Variants in TRPM1 observed in about 807,000 individuals in gnomAD.
TRPM1 encodes TRPM1-203 APA Isoform, Intron 10.
A neutral mutation model predicts 149.4 loss-of-function variants in TRPM1; 113 were observed. That is an observed-to-expected ratio of 0.76 (90% CI 0.65 to 0.88). The LOEUF (loss-of-function observed/expected upper bound fraction) is 0.88, where lower values mean the gene tolerates loss of function less well. Ranked by LOEUF, TRPM1 falls within the 40% of genes least tolerant of loss-of-function variation. The pLI is 0.00. For missense variants in TRPM1, 1,976 were observed against 2,038.7 expected (o/e 0.97, Z 0.59); for synonymous variants, 741 against 759.5 (o/e 0.98, Z 0.40).
intron 1 of TRPM1, among the ~76,000 whole-genome samples, chr15:31,128,573 G>A (rs1167072112): frequency 2.6e-5 from 4 of 152,300 alleles, no homozygotes; most frequent in African/African-American, 9.6e-5. Context: ...GCTCACAACT[G>A]GGGGAGACGG....
At chr15:31,024,032 C>A (rs1484467055) in intron 27 of TRPM1, among the ~76,000 whole-genome samples, 6 of 152,068 alleles carry the variant, frequency 3.9e-5, no homozygotes, top group Non-Finnish European at 8.8e-5. Flanking sequence ...CCTGTGTGAA[C>A]ACGCCTGTAA....
chr15:31,053,168 C>T (rs766938154), intron 11 of TRPM1, among the ~76,000 whole-genome samples: 2 of 152,184 alleles, frequency 1.3e-5, no homozygotes, highest in Non-Finnish European at 2.9e-5. Flanking sequence ...CACAAAAACG[C>T]TCAATATCAC....
intron 1 of TRPM1, among the ~76,000 whole-genome samples, chr15:31,093,229 C>A (rs780696327): frequency 5.0e-5 from 7 of 140,372 alleles, no homozygotes; most frequent in Non-Finnish European, 9.0e-5. Context: ...ACACTGCACT[C>A]CAGCCTGGGC....
chr15:31,019,071 T>A (rs2032466707), intron 27 of TRPM1, among the ~76,000 whole-genome samples: 1 of 152,252 alleles, frequency 6.6e-6, no homozygotes, highest in South Asian at 2.1e-4. Flanking sequence ...AATGTTAACA[T>A]AAAGACATGA....
At chr15:31,056,101 G>T (rs1456109267) in intron 11 of TRPM1, among the ~76,000 whole-genome samples, 1 of 152,058 alleles carries the variant, frequency 6.6e-6, no homozygotes, top group East Asian at 1.9e-4. Context: ...AAAAGCTAAA[G>T]AAAAAGTTGA....
chr15:31,102,838 G>A (rs571828945), upstream of TRPM1, among the ~76,000 whole-genome samples: 11 of 152,360 alleles, frequency 7.2e-5, no homozygotes, highest in East Asian at 1.2e-3. Flanking sequence ...GCTGGAGCGC[G>A]CACAGCCCCT....
intron 7 of TRPM1, 52 bp from the exon 8 acceptor site, chr15:31,063,344 C>T (rs1414482539): frequency 5.0e-6 from 8 of 1,612,628 alleles, no homozygotes; most frequent in Non-Finnish European, 5.9e-6. Context: ...CACTGTCCAC[C>T]CAGTCGTTTT....
At chr15:31,088,674 T>G (rs1162627840) in intron 1 of TRPM1, among the ~76,000 whole-genome samples, 3 of 152,196 alleles carry the variant, frequency 2.0e-5, no homozygotes, top group Admixed American at 2.0e-4. Context: ...GGATGGGCAT[T>G]TCATACTAAG....
At chr15:31,009,870 T>G (rs2032120131) in intron 27 of TRPM1, among the ~76,000 whole-genome samples, 1 of 152,210 alleles carries the variant, frequency 6.6e-6, no homozygotes, top group South Asian at 2.1e-4. Flanking sequence ...TTTGGTAAAA[T>G]TTTCTTTGAA....
intron 21 of TRPM1, among the ~76,000 whole-genome samples, chr15:31,034,010 T>A (rs2033225320): frequency 6.6e-6 from 1 of 152,202 alleles, no homozygotes; most frequent in African/African-American, 2.4e-5. Context: ...GTTTTTCAGT[T>A]CAGTGAAAGG....
At chr15:31,109,085 T>C (rs1469262914) in intron 1 of TRPM1, among the ~76,000 whole-genome samples, 1 of 151,944 alleles carries the variant, frequency 6.6e-6, no homozygotes, top group Non-Finnish European at 1.5e-5. Flanking sequence ...TATAAACACA[T>C]TTGAAATACA....
intron 25 of TRPM1, 140 bp downstream of exon 25, chr15:31,028,192 A>C: frequency 1.0e-6 from 1 of 978,244 alleles, no homozygotes; most frequent in Non-Finnish European, 1.6e-6. Flanking sequence ...GAACAAAGAG[A>C]CTGCAAAAAT....
chr15:31,157,125 C>A (rs942821026), intron 1 of TRPM1, among the ~76,000 whole-genome samples: 1 of 152,112 alleles, frequency 6.6e-6, no homozygotes, highest in Non-Finnish European at 1.5e-5. Context: ...GTTGCCCAGA[C>A]TCGTCTCAAA....
intron 1 of TRPM1, among the ~76,000 whole-genome samples, chr15:31,138,571 G>T (rs2036120236): frequency 6.6e-6 from 1 of 152,122 alleles, no homozygotes; most frequent in Non-Finnish European, 1.5e-5. Context: ...GAGTTGAAAA[G>T]ACCAGGCTGA....
rs1455707821 is a variant in TRPM1, at chr15:31,066,172, T to G, written c.694A>C (p.Ile232Leu). The stretch of plus-strand genomic sequence containing the variant: ...CCCAGGGTGCCATTGTCAGCCAGGA[T>G]GAAGTGGGTGTGGGAGTTGTTGAGC... Reference protein sequence around the residue: ...SVLNNSHTHFILADNGTLGKY... With the variant: ...SVLNNSHTHFLLADNGTLGKY... The change falls in exon 7 of 28, where the codon ATC (isoleucine) becomes CTC (leucine). Residue 232 changes from isoleucine (I) to leucine (L), a missense_variant. Transcript: ENST00000256552. 6.2e-7 allele frequency: 1 copy of G among 1,614,102 alleles called. No individual in the cohort carries two copies.
intron 1 of TRPM1, among the ~76,000 whole-genome samples, chr15:31,130,217 C>A (rs1229937014): frequency 6.6e-6 from 1 of 152,166 alleles, no homozygotes; most frequent in Non-Finnish European, 1.5e-5. Context: ...CCTTTGTGCA[C>A]CCCACCCTGC....
intron 2 of TRPM1, among the ~76,000 whole-genome samples, chr15:31,079,950 GA>G (rs1163167830): frequency 5.3e-5 from 8 of 152,160 alleles, no homozygotes; most frequent in African/African-American, 1.9e-4. Flanking sequence ...CATGCCAAAA[GA>G]ACACAGTGGC....
At chr15:31,119,866 T>C (rs150490634) in intron 1 of TRPM1, among the ~76,000 whole-genome samples, 5 of 152,148 alleles carry the variant, frequency 3.3e-5, no homozygotes, top group Admixed American at 6.5e-5. Context: ...ATAATTAATA[T>C]GGTAAGAGAA....
Position 31,002,985 on chromosome 15 carries a change from GTC to G in TRPM1, c.3713_3714del (p.Arg1238ProfsTer9). On this transcript the variant is annotated frameshift_variant, in exon 28 of 28. Transcript: ENST00000256552. LOFTEE classifies it low-confidence loss of function (END_TRUNC). Reference protein sequence around the residue: ...MKTSLQTVDLRLAQLEELSNR... With the variant: ...MKTSLQTVDLXLAQLEELSNR... The stretch of plus-strand genomic sequence containing the variant: ...TTAGATAATTCTTCTAGCTGAGCAA[GTC>G]GAAGGTCAACAGTCTGCAGGGAAGT... 1 of 1,594,678 alleles carries G rather than the reference GTC, an allele frequency of 6.3e-7. No homozygotes were observed. Among genetic ancestry groups the G allele is most frequent in the Non-Finnish European group, 8.5e-7 (1 of 1,172,332 alleles).
Sources: gnomAD v4.1 joint callset for allele counts (sites outside exome capture counted in the v4.1 genomes callset) on GRCh38, gnomAD v4.1.1 for gene constraint, MANE v1.5 for transcripts, NCBI Gene and HGNC (gene_info 2026-07-23, HGNC 2026-07-21) for gene names.